Variants in TRAF3IP3 observed in about 807,000 individuals in gnomAD.
The protein encoded by TRAF3IP3 is TRAF3-interacting JNK-activating modulator.
Under a neutral mutation model 86.5 loss-of-function variants are expected in TRAF3IP3, and 64 were observed. The ratio of observed to expected loss-of-function variants is 0.74; its 90% CI spans 0.60 to 0.91. The LOEUF is 0.91. TRAF3IP3 is among the 40% of genes least tolerant of loss of function. The pLI, the probability that TRAF3IP3 is intolerant of heterozygous loss-of-function variation, is 0.00. For synonymous variants in TRAF3IP3, 220 were observed against 243.9 expected, an observed-to-expected ratio of 0.90 and a Z score of 0.91; for missense variants, 579 against 642.9, an observed-to-expected ratio of 0.90 and a Z score of 1.07.
At chr1:209,763,139 C>A in intron 6 of TRAF3IP3, 47 bp downstream of exon 6, 1 of 1,586,058 alleles carries the variant, frequency 6.3e-7, no homozygotes, top group Non-Finnish European at 8.7e-7. Flanking sequence ...AAGTATTAAG[C>A]TCTGACATTC....
intron 6 of TRAF3IP3, 114 bp downstream of exon 6, chr1:209,763,206 AG>A (rs2077278839): frequency 7.2e-7 from 1 of 1,392,152 alleles, no homozygotes; most frequent in Non-Finnish European, 1.0e-6. Flanking sequence ...CTGGATGGCA[AG>A]GGGGTACTGA....
intron 13 of TRAF3IP3, 189 bp downstream of exon 13, chr1:209,778,362 TTC>T (rs1454395201): frequency 3.9e-6 from 2 of 511,944 alleles, no homozygotes; most frequent in East Asian, 6.5e-5. Context: ...TTAGCCTCTG[TTC>T]TTTTTTTTCT....
At chr1:209,762,409 C>A in intron 3 of TRAF3IP3, 106 bp from the exon 4 acceptor site, 2 of 1,165,524 alleles carry the variant, frequency 1.7e-6, no homozygotes, top group South Asian at 2.9e-5. Context: ...AATAAACACT[C>A]AGTCCATAAC....
At chr1:209,769,392 G>A (rs779766751) in intron 8 of TRAF3IP3, among the ~76,000 whole-genome samples, 11 of 152,216 alleles carry the variant, frequency 7.2e-5, no homozygotes, top group African/African-American at 1.2e-4. Flanking sequence ...GTCTTCCATC[G>A]GTCCCAAAGC....
At chr1:209,772,905 T>C (rs754007919) in intron 8 of TRAF3IP3, 43 bp from the exon 9 acceptor site, 2 of 1,548,826 alleles carry the variant, frequency 1.3e-6, no homozygotes, top group Non-Finnish European at 1.8e-6. Flanking sequence ...CTTTGCAGAC[T>C]AGATTTTGCC....
chr1:209,763,129 A>G, intron 6 of TRAF3IP3, 37 bp downstream of exon 6: 1 of 1,601,676 alleles, frequency 6.2e-7, no homozygotes, highest in Non-Finnish European at 8.6e-7. Context: ...TCAAATCAGA[A>G]AGTATTAAGC....
chr1:209,762,035 T>C (rs939048674), intron 3 of TRAF3IP3, among the ~76,000 whole-genome samples: 3 of 70,662 alleles, frequency 4.2e-5, no homozygotes, highest in Non-Finnish European at 7.3e-5. Context: ...TGGGCTACTT[T>C]GGTTTTGTGG....
At chr1:209,759,604 G>A (rs1019135393) in intron 2 of TRAF3IP3, among the ~76,000 whole-genome samples, 1 of 152,112 alleles carries the variant, frequency 6.6e-6, no homozygotes, top group Non-Finnish European at 1.5e-5. Context: ...TAGAAGTCTG[G>A]AAAATGAACA....
Position 209,760,208 on chromosome 1 carries a change from C to T in TRAF3IP3, c.169C>T (p.Leu57Phe). ...GCTGAGGATCCAACAGAGAGAGCAGCTCCAGAGAGCTCGACTGCAGCAGTT... is the reference window on the plus strand; with the variant it reads ...GCTGAGGATCCAACAGAGAGAGCAGTTCCAGAGAGCTCGACTGCAGCAGTT... ...KTLRIQQREQ[L>F]QRARLQQFFR... Residue 57 changes from leucine (L) to phenylalanine (F), a missense_variant, in exon 3 of 17, where the codon CTC becomes TTC. Transcript: ENST00000367025. The T allele has an allele frequency of 1.9e-6, 3 of 1,614,244 alleles. No individual in the cohort carries two copies. Among genetic ancestry groups the T allele is most frequent in the Non-Finnish European group, 2.5e-6 (3 of 1,180,044 alleles).
chr1:209,778,304 T>G (rs770346044), intron 13 of TRAF3IP3, 131 bp downstream of exon 13: 12 of 649,908 alleles, frequency 1.8e-5, no homozygotes, highest in Non-Finnish European at 3.2e-5. Context: ...TTTCAGACCC[T>G]CTTCTTGTAA....
intron 3 of TRAF3IP3, among the ~76,000 whole-genome samples, chr1:209,761,884 A>AC (rs1464133971): frequency 6.6e-5 from 10 of 152,366 alleles, no homozygotes; most frequent in South Asian, 2.1e-4. Flanking sequence ...AGAGAAAAAA[A>AC]AACAACAACT....
rs201490728 is a variant in TRAF3IP3, at chr1:209,778,182, G to A, written c.1252+9G>A. 3.4e-4 allele frequency: 550 copies of A among 1,613,318 alleles called. No individual in the cohort carries two copies. The highest frequency in any genetic ancestry group is 3.6e-4 in the Non-Finnish European group (425 of 1,179,478). On this transcript the variant is annotated intron_variant, in intron 13 of 16. Coordinates refer to ENST00000367025, the MANE Select transcript of TRAF3IP3 (RefSeq NM_025228.4). ...AGTACAGCAGTTGCAGGGTAAGTTC[G>A]CTTTCCAGATTCTGAAAGTCCACAG...
intron 7 of TRAF3IP3, 34 bp from the exon 8 acceptor site, chr1:209,763,458 C>A (rs1471880047): frequency 6.2e-7 from 1 of 1,613,284 alleles, no homozygotes; most frequent in Non-Finnish European, 8.5e-7. Flanking sequence ...CCAGGTTAAT[C>A]TTACCCTCTT....
intron 13 of TRAF3IP3, 56 bp from the exon 14 acceptor site, chr1:209,779,259 A>G: frequency 6.6e-7 from 1 of 1,513,122 alleles, no homozygotes; most frequent in East Asian, 2.3e-5. Context: ...TTCTGAAAAG[A>G]AAACTTTTTG....
At chr1:209,768,364 G>C (rs1353028110) in intron 8 of TRAF3IP3, 2 of 985,326 alleles carry the variant, frequency 2.0e-6, no homozygotes, top group African/African-American at 3.5e-5. Context: ...CCTGAGGAGG[G>C]TCCAACCTTC....
chr1:209,760,390 C>T lies in TRAF3IP3; in HGVS notation c.345+6C>T. On this transcript the variant is annotated splice_donor_region_variant and intron_variant, in intron 3 of 16. Transcript: ENST00000367025. ...TTTCTTCTCCCAGAGAGCAGGTGGG[C>T]CGTGTCAAGGGACATACTGCTGTGT... 1 of 1,573,278 alleles carries T rather than the reference C, an allele frequency of 6.4e-7. No individual in the cohort carries two copies. Among genetic ancestry groups the T allele is most frequent in the Non-Finnish European group, 8.6e-7 (1 of 1,158,984 alleles).
At position 209,775,449 on chromosome 1, in the gene TRAF3IP3, A is replaced by G. The variant is rs1258097190; in HGVS notation, c.875A>G (p.Glu292Gly). Residue 292 changes from glutamate to glycine, a missense_variant, in exon 10 of 17, where the codon GAG becomes GGG. Coordinates refer to ENST00000367025, the MANE Select transcript of TRAF3IP3 (RefSeq NM_025228.4). ...AAGGAGTCACTGCAGAAAGTGCTGG[A>G]GGAGAAAATGAATGCAGAGCAGCAA... ...KAKESLQKVL[E>G]EKMNAEQQLQ... is the part of the protein sequence containing the mutation. 6 of 1,614,110 alleles carry G rather than the reference A, an allele frequency of 3.7e-6. No individual in the cohort carries two copies. In the Admixed American group the frequency reaches 8.3e-5, roughly 22 times the overall value.
intron 14 of TRAF3IP3, chr1:209,780,251 C>A: frequency 2.8e-6 from 1 of 357,348 alleles, no homozygotes. Context: ...AGAAAAGATC[C>A]CAATCTTGCC....
chr1:209,760,966 A>G (rs1405041788), intron 3 of TRAF3IP3, among the ~76,000 whole-genome samples: 1 of 152,202 alleles, frequency 6.6e-6, no homozygotes, highest in Non-Finnish European at 1.5e-5. Context: ...AATAAAAATA[A>G]TTCCAAAGCT....
Sources: allele counts gnomAD v4.1 joint callset (sites outside exome capture counted in the v4.1 genomes callset), GRCh38; gene constraint gnomAD v4.1.1; transcripts MANE v1.5; gene names NCBI Gene and HGNC (gene_info 2026-07-23, HGNC 2026-07-21).